QTMAN: variants seen among roughly 807,000 people sequenced by gnomAD.
QTMAN encodes queuosine-tRNA mannosyltransferase.
At chr2:144,316,557 C>T in the QTMAN span, among the ~76,000 whole-genome samples, 13 of 152,208 alleles carry the variant, frequency 8.5e-5, no homozygotes, top group African/African-American at 2.9e-4. Context: ...ACCTGCCCTC[C>T]GTATATGAGT....
chr2:144,166,207 ACTG>A, the QTMAN span, among the ~76,000 whole-genome samples: 6 of 152,166 alleles, frequency 3.9e-5, no homozygotes, highest in African/African-American at 1.4e-4. Context: ...TCTCCATGCT[ACTG>A]CTATCTAATT....
At chr2:143,975,716 T>G in the QTMAN span, among the ~76,000 whole-genome samples, 1 of 152,292 alleles carries the variant, frequency 6.6e-6, no homozygotes, top group South Asian at 2.1e-4. Flanking sequence ...TGGTGGACCT[T>G]AAGATGTCTT....
At chr2:143,986,083 G>A in the QTMAN span, among the ~76,000 whole-genome samples, 1 of 152,074 alleles carries the variant, frequency 6.6e-6, no homozygotes, top group Non-Finnish European at 1.5e-5. Flanking sequence ...AGGTTTTAAG[G>A]GGTCTCCTCT....
At chr2:144,094,374 G>A in the QTMAN span, among the ~76,000 whole-genome samples, 1 of 152,134 alleles carries the variant, frequency 6.6e-6, no homozygotes, top group Non-Finnish European at 1.5e-5. Context: ...AAATATATTT[G>A]TCATTCATTC....
At chr2:143,997,009 G>T in the QTMAN span, among the ~76,000 whole-genome samples, 1 of 152,082 alleles carries the variant, frequency 6.6e-6, no homozygotes, top group Non-Finnish European at 1.5e-5. Context: ...GATGAAGTTG[G>T]TAAGAGCACC....
chr2:144,148,877 T>C, the QTMAN span, among the ~76,000 whole-genome samples: 1 of 151,974 alleles, frequency 6.6e-6, no homozygotes, highest in Non-Finnish European at 1.5e-5. Context: ...ACTGTATTTG[T>C]ATAATTAATC....
the QTMAN span, among the ~76,000 whole-genome samples, chr2:144,304,131 C>A: frequency 2.0e-5 from 3 of 152,112 alleles, no homozygotes; most frequent in African/African-American, 7.2e-5. Flanking sequence ...GTCACAGAAG[C>A]CTGGAAGACA....
the QTMAN span, among the ~76,000 whole-genome samples, chr2:143,986,481 G>A: frequency 6.6e-6 from 1 of 152,190 alleles, no homozygotes. Flanking sequence ...CTTCTATGAT[G>A]TTAGAGCTAA....
the QTMAN span, among the ~76,000 whole-genome samples, chr2:143,971,115 C>CTT: frequency 3.3e-3 from 475 of 144,412 alleles, 5 homozygotes; most frequent in South Asian, 0.015. Flanking sequence ...TAAAAATAAA[C>CTT]TTTTTTTTTT....
At chr2:144,144,557 T>C in the QTMAN span, among the ~76,000 whole-genome samples, 1 of 151,978 alleles carries the variant, frequency 6.6e-6, no homozygotes, top group Non-Finnish European at 1.5e-5. Context: ...CAATATAAAG[T>C]ATTTTAATTT....
the QTMAN span, among the ~76,000 whole-genome samples, chr2:144,266,101 G>T: frequency 1.3e-5 from 2 of 152,224 alleles, no homozygotes; most frequent in Non-Finnish European, 2.9e-5. Flanking sequence ...AAGAAAGTGA[G>T]AAAGTAGGAC....
the QTMAN span, among the ~76,000 whole-genome samples, chr2:144,277,694 A>G: frequency 1.3e-5 from 2 of 152,078 alleles, no homozygotes; most frequent in Non-Finnish European, 2.9e-5. Context: ...TCCTATCAAC[A>G]TTACTGGATT....
chr2:143,983,578 T>C, the QTMAN span, among the ~76,000 whole-genome samples: 1 of 148,736 alleles, frequency 6.7e-6, no homozygotes, highest in South Asian at 2.2e-4. Context: ...GTTCACGCCA[T>C]TCTCCTGCCT....
chr2:144,264,845 C>A, the QTMAN span, among the ~76,000 whole-genome samples: 1 of 152,208 alleles, frequency 6.6e-6, no homozygotes, highest in Non-Finnish European at 1.5e-5. Context: ...TCTTTCCATG[C>A]TCCAAATGTG....
chr2:143,959,776 A>G, the QTMAN span, among the ~76,000 whole-genome samples: 1 of 152,160 alleles, frequency 6.6e-6, no homozygotes, highest in Non-Finnish European at 1.5e-5. Flanking sequence ...TAAAATCTAA[A>G]TAAATATATC....
At chr2:144,185,366 G>C in the QTMAN span, among the ~76,000 whole-genome samples, 1 of 152,114 alleles carries the variant, frequency 6.6e-6, no homozygotes, top group African/African-American at 2.4e-5. Flanking sequence ...CTGTGGGTCT[G>C]CATAACTCTT....
chr2:144,263,241 T>A, the QTMAN span, among the ~76,000 whole-genome samples: 2 of 151,934 alleles, frequency 1.3e-5, no homozygotes, highest in Non-Finnish European at 2.9e-5. Flanking sequence ...ACTATACTGT[T>A]CCTAGGACTA....
chr2:144,009,260 T>C, the QTMAN span, among the ~76,000 whole-genome samples: 9 of 152,112 alleles, frequency 5.9e-5, no homozygotes, highest in East Asian at 1.7e-3. Flanking sequence ...AGGAGTTGCC[T>C]CATTAAAGCA....
the QTMAN span, among the ~76,000 whole-genome samples, chr2:143,991,449 C>CA: frequency 1.4e-5 from 2 of 146,680 alleles, no homozygotes; most frequent in South Asian, 4.4e-4. Context: ...GTCAGCCCCC[C>CA]ACCCGGCCAG....
Sources: allele counts gnomAD v4.1 joint callset (sites outside exome capture counted in the v4.1 genomes callset), GRCh38; gene constraint gnomAD v4.1.1; transcripts MANE v1.5; gene names NCBI Gene and HGNC (gene_info 2026-07-23, HGNC 2026-07-21).